The following PLD1 variants were observed in gnomAD, a reference collection of about 807,000 sequenced individuals.
PLD1 encodes the protein phospholipase D1, also known as choline phosphatase 1.
PLD1 carries 112 observed loss-of-function variants against 137.1 expected under a neutral mutation model. The observed-to-expected ratio is 0.82, with a 90% confidence interval of 0.70 to 0.96. The LOEUF (loss-of-function observed/expected upper bound fraction) is 0.96. Ranked by LOEUF, PLD1 falls within the 40% of genes least tolerant of loss-of-function variation. The pLI is 0.00. For synonymous variants in PLD1, 431 were observed against 454.7 expected, an observed-to-expected ratio of 0.95 and a Z score of 0.66; for missense variants, 1,321 against 1,342.0, an observed-to-expected ratio of 0.98 and a Z score of 0.24.
intron 23 of PLD1, among the ~76,000 whole-genome samples, chr3:171,627,887 A>G (rs1301252061): frequency 2.6e-5 from 4 of 152,126 alleles, no homozygotes; most frequent in Admixed American, 6.5e-5. Context: ...TTATAGCACT[A>G]AATGCCCACA....
At chr3:171,699,115 A>T (rs938500623) in intron 12 of PLD1, among the ~76,000 whole-genome samples, 8 of 152,142 alleles carry the variant, frequency 5.3e-5, no homozygotes, top group Non-Finnish European at 7.4e-5. Context: ...CTATTACATT[A>T]AAAAAATCAC....
intron 12 of PLD1, among the ~76,000 whole-genome samples, chr3:171,693,620 T>C (rs1014874282): frequency 8.5e-5 from 13 of 152,160 alleles, no homozygotes; most frequent in African/African-American, 1.4e-4. Flanking sequence ...TTAATTTGCA[T>C]TGTTTGCACC....
At chr3:171,680,498 TGCTGGGATTACAG>T (rs1185076406) in intron 16 of PLD1, among the ~76,000 whole-genome samples, 1 of 151,994 alleles carries the variant, frequency 6.6e-6, no homozygotes, top group Admixed American at 6.6e-5. Flanking sequence ...CCTCCCAAAG[TGCTGGGATTACAG>T]GCGTGAGCCA....
chr3:171,603,433 C>A, intron 26 of PLD1, 131 bp from the exon 27 acceptor site: 1 of 645,956 alleles, frequency 1.5e-6, no homozygotes, highest in Non-Finnish European at 2.7e-6. Flanking sequence ...TGTTACAGCA[C>A]AGACCTGATT....
intron 25 of PLD1, among the ~76,000 whole-genome samples, chr3:171,610,166 G>A (rs559592499): frequency 1.4e-3 from 213 of 152,228 alleles, no homozygotes; most frequent in African/African-American, 5.0e-3. Flanking sequence ...AGGTGAACAA[G>A]AAGGTATCTA....
intron 13 of PLD1, among the ~76,000 whole-genome samples, chr3:171,690,242 G>A (rs1393288671): frequency 6.6e-6 from 1 of 151,918 alleles, no homozygotes; most frequent in Non-Finnish European, 1.5e-5. Flanking sequence ...TTAGTAACTT[G>A]AGTCTTTTTT....
chr3:171,729,181 T>G (rs1415940671), intron 6 of PLD1, among the ~76,000 whole-genome samples: 1 of 152,250 alleles, frequency 6.6e-6, no homozygotes, highest in Non-Finnish European at 1.5e-5. Context: ...ATTCCATTGA[T>G]CTTTTGAGTA....
intron 24 of PLD1, among the ~76,000 whole-genome samples, chr3:171,617,098 T>A (rs1243188860): frequency 6.6e-6 from 1 of 152,176 alleles, no homozygotes; most frequent in Non-Finnish European, 1.5e-5. Context: ...AAAACCCAAA[T>A]GCCTGGCCCC....
chr3:171,654,037 T>C (rs1420247851), intron 21 of PLD1: 2 of 379,776 alleles, frequency 5.3e-6, no homozygotes, highest in African/African-American at 2.2e-5. Flanking sequence ...TCTACAGTTA[T>C]AAGAAGCATG....
At chr3:171,691,526 T>C (rs1296339806) in intron 13 of PLD1, among the ~76,000 whole-genome samples, 9 of 152,222 alleles carry the variant, frequency 5.9e-5, no homozygotes, top group Admixed American at 5.9e-4. Context: ...CTTAAAGTTG[T>C]AACATTCTAA....
At position 171,709,691 on chromosome 3, in the gene PLD1, G is replaced by A. The variant is rs1228153480; in HGVS notation, c.930C>T (p.Cys310=). Residue 310 remains cysteine (C), a synonymous_variant, in exon 10 of 27, where the codon TGC becomes TGT. Coordinates refer to ENST00000351298, the MANE Select transcript of PLD1 (RefSeq NM_002662.5). ...DNLSRTLILK[C]NSYRHARWWG... ...ACCACCGAGCATGTCTATAGCTGTT[G>A]CATTTTAAAATAAGTGTCCTTTAAA... 6.2e-7 allele frequency: 1 copy of A among 1,611,974 alleles called. No individual in the cohort carries two copies. The highest frequency in any genetic ancestry group is 8.5e-7 in the Non-Finnish European group (1 of 1,179,426).
chr3:171,679,644 A>G (rs1024026391), intron 16 of PLD1, among the ~76,000 whole-genome samples: 1 of 152,212 alleles, frequency 6.6e-6, no homozygotes, highest in African/African-American at 2.4e-5. Context: ...TTCACCTAAC[A>G]ACCAGTTATG....
intron 1 of PLD1, among the ~76,000 whole-genome samples, chr3:171,761,244 G>T (rs918558338): frequency 6.6e-6 from 1 of 152,068 alleles, no homozygotes; most frequent in East Asian, 1.9e-4. Flanking sequence ...AGAAGGGTCT[G>T]GATATCCCCT....
rs547886842 is a variant in PLD1 at position 171,660,243 on chromosome 3, C to G, written c.2341-942G>C. 1.7e-4 allele frequency among the ~76,000 whole-genome samples: 26 copies of G among 152,302 alleles called. 1 individual carries two copies. In the South Asian group the frequency reaches 5.4e-3, roughly 32 times the overall value. On this transcript the variant is annotated intron_variant, in intron 20 of 26. Transcript: ENST00000351298. ...AGCTTTTATACTTAAGTGCATAAATCTGTAAAATGCCTCCAGAAGACAAAC... is the reference window on the plus strand; with the variant it reads ...AGCTTTTATACTTAAGTGCATAAATGTGTAAAATGCCTCCAGAAGACAAAC...
chr3:171,730,091 T>C (rs1016454050), intron 6 of PLD1, among the ~76,000 whole-genome samples: 4 of 152,360 alleles, frequency 2.6e-5, no homozygotes, highest in African/African-American at 9.6e-5. Flanking sequence ...TTGCTCCTTA[T>C]TCCTCTGATT....
At chr3:171,723,471 C>T (rs557978170) in intron 8 of PLD1, among the ~76,000 whole-genome samples, 1 of 152,272 alleles carries the variant, frequency 6.6e-6, no homozygotes, top group South Asian at 2.1e-4. Flanking sequence ...TGATTTCCTT[C>T]TTTTGGGTAT....
chr3:171,692,218 G>C (rs1560221867), intron 13 of PLD1, 114 bp downstream of exon 13: 9 of 590,548 alleles, frequency 1.5e-5, no homozygotes, highest in Non-Finnish European at 1.8e-5. Context: ...AATGCTATTT[G>C]ATCAAATATA....
rs28663429 is a variant in PLD1, at chr3:171,641,124, C to T, written c.2593+1716G>A. 9.3e-3 allele frequency among the ~76,000 whole-genome samples: 1,410 copies of T among 152,240 alleles called. 23 individuals are homozygous for T. Among genetic ancestry groups the T allele is most frequent in the African/African-American group, 0.028 (1,175 of 41,544 alleles). On this transcript the variant is annotated intron_variant, in intron 23 of 26. Transcript: ENST00000351298. The stretch of plus-strand genomic sequence containing the variant: ...TCTGCTCCCTCCAATGGCTGCTAGG[C>T]TGCTGGTTTTCACCCTGATTTGAGC...
chr3:171,647,364 T>C (rs1165640294), intron 21 of PLD1, among the ~76,000 whole-genome samples: 1 of 152,186 alleles, frequency 6.6e-6, no homozygotes, highest in East Asian at 1.9e-4. Flanking sequence ...CATTTTTTTC[T>C]TTAAATAAAA....
Sources: allele counts gnomAD v4.1 joint callset (sites outside exome capture counted in the v4.1 genomes callset), GRCh38; gene constraint gnomAD v4.1.1; transcripts MANE v1.5; gene names NCBI Gene and HGNC (gene_info 2026-07-23, HGNC 2026-07-21).